Variants in PAK5 observed in about 807,000 individuals in gnomAD.
The protein encoded by PAK5 is serine/threonine-protein kinase PAK 5.
In PAK5, 16 loss-of-function variants were observed where a neutral mutation model predicts 65.9. The observed-to-expected ratio is 0.24, with a 90% CI of 0.16 to 0.37. The LOEUF (loss-of-function observed/expected upper bound fraction) is 0.37. PAK5 is among the 10% of genes least tolerant of loss of function. The probability of loss-of-function intolerance (pLI) is 1.00; values close to 1 mark genes in which losing one functional copy is unlikely to be tolerated. For missense variants in PAK5, 785 were observed against 903.9 expected (o/e 0.87, Z 1.69); for synonymous variants, 371 against 354.9 (o/e 1.05, Z -0.51).
At chr20:9,727,775 C>T (rs2048292633) in intron 1 of PAK5, among the ~76,000 whole-genome samples, 1 of 151,994 alleles carries the variant, frequency 6.6e-6, no homozygotes, top group African/African-American at 2.4e-5. Context: ...TTGGTTGCCC[C>T]AATTTTTCCA....
At chr20:9,539,746 G>T in intron 9 of PAK5, 129 bp from the exon 10 acceptor site, 1 of 717,262 alleles carries the variant, frequency 1.4e-6, no homozygotes, top group Non-Finnish European at 2.4e-6. Flanking sequence ...GAAAGATGTT[G>T]TGAAAGCAAA....
At chr20:9,550,356 C>A (rs1431699152) in intron 7 of PAK5, among the ~76,000 whole-genome samples, 3 of 152,082 alleles carry the variant, frequency 2.0e-5, no homozygotes, top group Admixed American at 2.0e-4. Context: ...ACCTGGTCAC[C>A]AGTCCAGGTA....
chr20:9,674,689 G>A (rs1226760585), intron 2 of PAK5, among the ~76,000 whole-genome samples: 1 of 152,174 alleles, frequency 6.6e-6, no homozygotes, highest in Non-Finnish European at 1.5e-5. Context: ...ATTTATTGAG[G>A]GAGTGCTTTC....
intron 1 of PAK5, among the ~76,000 whole-genome samples, chr20:9,715,672 T>C (rs1223787260): frequency 1.3e-5 from 2 of 151,636 alleles, no homozygotes; most frequent in African/African-American, 2.4e-5. Flanking sequence ...ATAGACAGAA[T>C]TAAGAAAATG....
At chr20:9,619,289 G>A (rs1193684195) in intron 3 of PAK5, among the ~76,000 whole-genome samples, 1 of 152,028 alleles carries the variant, frequency 6.6e-6, no homozygotes, top group Non-Finnish European at 1.5e-5. Context: ...AGAAAGTTTG[G>A]AAGAAAAAAG....
At chr20:9,584,325 T>C (rs981830388) in intron 3 of PAK5, among the ~76,000 whole-genome samples, 3 of 152,324 alleles carry the variant, frequency 2.0e-5, no homozygotes, top group East Asian at 1.9e-4. Context: ...TTTTATTTTA[T>C]TTTTTGAGAA....
intron 3 of PAK5, among the ~76,000 whole-genome samples, chr20:9,624,943 T>C (rs1285341288): frequency 1.3e-5 from 2 of 152,200 alleles, no homozygotes; most frequent in African/African-American, 2.4e-5. Flanking sequence ...AAGTAAGGAT[T>C]CTTCACATTG....
intron 1 of PAK5, among the ~76,000 whole-genome samples, chr20:9,820,845 G>C (rs1487850028): frequency 1.5e-5 from 2 of 130,756 alleles, no homozygotes; most frequent in East Asian, 4.3e-4. Flanking sequence ...AACCAGGGAA[G>C]AGCAGAACTG....
At chr20:9,737,431 T>C (rs954297337) in intron 1 of PAK5, among the ~76,000 whole-genome samples, 3 of 152,122 alleles carry the variant, frequency 2.0e-5, no homozygotes, top group African/African-American at 7.2e-5. Context: ...AGAGAATTCA[T>C]CAAGACTGAA....
chr20:9,781,177 A>G (rs2048936932), intron 1 of PAK5, among the ~76,000 whole-genome samples: 1 of 152,224 alleles, frequency 6.6e-6, no homozygotes, highest in Non-Finnish European at 1.5e-5. Context: ...AATGGGTTCC[A>G]TCACTGCCTC....
intron 1 of PAK5, among the ~76,000 whole-genome samples, chr20:9,758,989 C>A (rs1049293632): frequency 6.6e-6 from 1 of 152,100 alleles, no homozygotes; most frequent in African/African-American, 2.4e-5. Context: ...GGGGACAGAA[C>A]CCCTTGTGAC....
chr20:9,565,753 G>T, intron 5 of PAK5, 140 bp downstream of exon 5: 1 of 855,478 alleles, frequency 1.2e-6, no homozygotes. Context: ...AGACTAGAAG[G>T]AAATATTACA....
At position 9,838,319 on chromosome 20, in the gene PAK5, T is replaced by A. The variant is rs1216462356; in HGVS notation, c.-162+443A>T. 6.6e-6 allele frequency among the ~76,000 whole-genome samples: 1 copy of A among 152,166 alleles called. No homozygotes were observed. The highest frequency in any genetic ancestry group is 1.5e-5 in the Non-Finnish European group (1 of 68,028). On this transcript the variant is annotated intron_variant, in intron 1 of 9. Coordinates refer to ENST00000353224, the MANE Select transcript of PAK5 (RefSeq NM_177990.4). The surrounding 1 kb of genome is among the most constrained non-coding windows in gnomAD (Gnocchi z 4.5). ...CAAAAACCATGCGGGAATCCTGCTC[T>A]GGCAATATGTCCAACACTTCTCGGG...
intron 2 of PAK5, among the ~76,000 whole-genome samples, chr20:9,695,206 C>T (rs975703161): frequency 6.6e-6 from 1 of 151,964 alleles, no homozygotes; most frequent in Admixed American, 6.6e-5. Context: ...AGTCCCTTGC[C>T]GATTTTCACA....
intron 1 of PAK5, among the ~76,000 whole-genome samples, chr20:9,772,427 C>T (rs2048843826): frequency 6.6e-6 from 1 of 151,458 alleles, no homozygotes; most frequent in South Asian, 2.1e-4. Flanking sequence ...CTAGACCATC[C>T]CTGTGAAGGA....
chr20:9,618,709 G>A (rs1031855177), intron 3 of PAK5, among the ~76,000 whole-genome samples: 7 of 151,620 alleles, frequency 4.6e-5, no homozygotes, highest in African/African-American at 4.8e-5. Context: ...CACTGCGCCC[G>A]GCTGGAACTT....
chr20:9,566,236 G>T lies in PAK5; in HGVS notation c.1139C>A (p.Ala380Asp), dbSNP rs762365457. ...SHQYPSGYHK[A>D]TLYHHPSLQS... ...CAGGGAGGGGTGATGGTACAAGGTG[G>T]CTTTGTGGTACCCAGACGGGTACTG... The change falls in exon 5 of 10, where the codon GCC becomes GAC. Residue 380 changes from alanine (A) to aspartate (D), a missense_variant. By Grantham distance (126) the Ala-to-Asp change is moderately radical. Transcript: ENST00000353224. The T allele has an allele frequency of 6.2e-7, 1 of 1,613,804 alleles. No individual in the cohort carries two copies. The highest frequency in any genetic ancestry group is 8.5e-7 in the Non-Finnish European group (1 of 1,179,964).
intron 2 of PAK5, among the ~76,000 whole-genome samples, chr20:9,699,940 T>A (rs2047919023): frequency 6.6e-6 from 1 of 152,174 alleles, no homozygotes; most frequent in Non-Finnish European, 1.5e-5. Context: ...ACCCCTGAGC[T>A]GCAAAAGGAG....
intron 2 of PAK5, among the ~76,000 whole-genome samples, chr20:9,681,310 G>T (rs1255536391): frequency 6.6e-6 from 1 of 151,952 alleles, no homozygotes; most frequent in African/African-American, 2.4e-5. Flanking sequence ...AGCAACATAT[G>T]CTTCTTATTT....
Sources: allele counts gnomAD v4.1 joint callset (sites outside exome capture counted in the v4.1 genomes callset), GRCh38; gene constraint gnomAD v4.1.1; non-coding constraint Gnocchi (gnomAD v3.1); transcripts MANE v1.5; gene names NCBI Gene and HGNC (gene_info 2026-07-23, HGNC 2026-07-21).